The following SLC41A3 variants were observed in gnomAD, a reference collection of about 807,000 sequenced individuals.
SLC41A3 encodes solute carrier family 41 member 3, also known as SLC41A1-like 2.
Under a neutral mutation model 45.4 loss-of-function variants are expected in SLC41A3, and 44 were observed. The observed-to-expected ratio is 0.97, with a 90% CI of 0.76 to 1.25. SLC41A3 has a LOEUF of 1.25. Ranked by LOEUF, SLC41A3 falls within the 50% of genes most tolerant of loss-of-function variation. The probability of loss-of-function intolerance (pLI) is 0.00; values close to 1 mark genes in which losing one functional copy is unlikely to be tolerated. For missense variants in SLC41A3, 550 were observed against 600.6 expected (o/e 0.92, Z 0.88); for synonymous variants, 256 against 252.4 (o/e 1.01, Z -0.13).
chr3:126,096,734 G>A (rs889205453), intron 1 of SLC41A3, among the ~76,000 whole-genome samples: 16 of 152,232 alleles, frequency 1.1e-4, no homozygotes, highest in Admixed American at 2.6e-4. Context: ...CTGGCTTGCT[G>A]TTAATAAATA....
At chr3:126,039,174 A>T (rs1051538699) in intron 3 of SLC41A3, among the ~76,000 whole-genome samples, 2 of 152,214 alleles carry the variant, frequency 1.3e-5, no homozygotes, top group African/African-American at 4.8e-5. Flanking sequence ...ACCCAGTCTC[A>T]AGTATTCCTT....
intron 1 of SLC41A3, among the ~76,000 whole-genome samples, chr3:126,099,792 A>G (rs1395784677): frequency 1.3e-5 from 2 of 152,220 alleles, no homozygotes; most frequent in Non-Finnish European, 2.9e-5. Flanking sequence ...GGTTGCTCCA[A>G]AACTTTATAA....
intron 3 of SLC41A3, among the ~76,000 whole-genome samples, chr3:126,034,003 G>C (rs939101678): frequency 6.6e-6 from 1 of 152,014 alleles, no homozygotes; most frequent in East Asian, 1.9e-4. Context: ...ATGCATAGAG[G>C]CACACATGCA....
At chr3:126,095,368 G>A (rs181873486) in intron 1 of SLC41A3, 68 of 522,700 alleles carry the variant, frequency 1.3e-4, no homozygotes, top group East Asian at 9.6e-4. Context: ...ACCACCCACC[G>A]GAGGACAGAT....
intron 4 of SLC41A3, among the ~76,000 whole-genome samples, chr3:126,028,690 A>C (rs1941564248): frequency 6.6e-6 from 1 of 152,264 alleles, no homozygotes; most frequent in South Asian, 2.1e-4. Context: ...CTCCACCAGC[A>C]TCTTGCCACC....
chr3:126,084,211 C>G (rs1000883200), upstream of SLC41A3: 3 of 151,990 alleles, frequency 2.0e-5, no homozygotes, highest in African/African-American at 7.2e-5. Context: ...GCCGGGCGGC[C>G]GGACCTCGGA....
chr3:126,068,435 T>C (rs1328513702), intron 1 of SLC41A3, among the ~76,000 whole-genome samples, 189 bp from the exon 2 acceptor site: 2 of 152,154 alleles, frequency 1.3e-5, no homozygotes, highest in Non-Finnish European at 2.9e-5. Flanking sequence ...AATATGCACA[T>C]GTGTGAGCAC....
intron 6 of SLC41A3, among the ~76,000 whole-genome samples, chr3:126,019,297 G>C (rs796080549): frequency 2.0e-5 from 3 of 152,256 alleles, no homozygotes; most frequent in African/African-American, 7.2e-5. Context: ...GGATTAATCT[G>C]TTCATGAGGG....
chr3:126,038,900 G>A (rs1471554344), intron 3 of SLC41A3, among the ~76,000 whole-genome samples: 1 of 152,172 alleles, frequency 6.6e-6, no homozygotes, highest in Non-Finnish European at 1.5e-5. Flanking sequence ...GGTCATGGGG[G>A]TGGATCCTTC....
intron 6 of SLC41A3, among the ~76,000 whole-genome samples, chr3:126,021,958 G>A (rs935331673): frequency 1.2e-4 from 18 of 152,208 alleles, no homozygotes; most frequent in Admixed American, 1.1e-3. Context: ...GGTACATGAA[G>A]ATAATGGGGG....
Position 126,068,157 on chromosome 3 carries a change from C to A in SLC41A3, c.63G>T (p.Gly21=). The A allele has an allele frequency of 6.3e-7, 1 of 1,596,994 alleles. No homozygotes were observed. The highest frequency in any genetic ancestry group is 8.5e-7 in the Non-Finnish European group (1 of 1,171,958). ...CTCCTGTGCTGAGGGGGTGAGGAAG[C>A]CCCAGCTCCCCTGGCTTGCCACAGC... ...LDSCGKPGEL[G]LPHPLSTGGL... The change falls in exon 2 of 11, where the codon GGG becomes GGT. Residue 21 remains glycine, a synonymous_variant. Coordinates refer to ENST00000360370, the MANE Select transcript of SLC41A3 (RefSeq NM_017836.4).
At chr3:126,078,177 G>C (rs2108075638) in intron 1 of SLC41A3, among the ~76,000 whole-genome samples, 1 of 152,290 alleles carries the variant, frequency 6.6e-6, no homozygotes, top group African/African-American at 2.4e-5. Flanking sequence ...GCTAGGCAAG[G>C]CCACTGCTGC....
chr3:126,019,181 C>G (rs1024841213), intron 6 of SLC41A3, among the ~76,000 whole-genome samples: 2 of 152,194 alleles, frequency 1.3e-5, no homozygotes, highest in African/African-American at 4.8e-5. Flanking sequence ...GGCGAGGGAA[C>G]CGAGCATGTA....
Position 126,026,042 on chromosome 3 carries a change from G to A in SLC41A3, c.598+293C>T, listed in dbSNP as rs150454259. On this transcript the variant is annotated intron_variant, in intron 5 of 10. Transcript: ENST00000360370. The surrounding 1 kb of genome is among the most constrained non-coding windows in gnomAD (Gnocchi z 4.2). Reference sequence around the variant, plus strand: ...CTGTGCAGGTGTCAGGCCTCAGCACGGGAGTGTGACCAGCTGAAGAGACCT... The same window carrying A: ...CTGTGCAGGTGTCAGGCCTCAGCACAGGAGTGTGACCAGCTGAAGAGACCT... Among the ~76,000 whole-genome samples the A allele has an allele frequency of 1.1e-4, 17 of 152,342 alleles. No homozygotes were observed. Among genetic ancestry groups the A allele is most frequent in the South Asian group, 2.1e-4 (1 of 4,828 alleles).
chr3:126,073,618 C>G (rs909084907), intron 1 of SLC41A3, among the ~76,000 whole-genome samples: 1 of 151,958 alleles, frequency 6.6e-6, no homozygotes, highest in Non-Finnish European at 1.5e-5. Context: ...AATTAGAAAA[C>G]CTAGATGAAA....
intron 8 of SLC41A3, 31 bp downstream of exon 8, chr3:126,015,463 G>A (rs1940179249): frequency 6.2e-7 from 1 of 1,611,638 alleles, no homozygotes; most frequent in South Asian, 1.1e-5. Context: ...ACCCAACCCA[G>A]GGACCACATG....
intron 1 of SLC41A3, among the ~76,000 whole-genome samples, chr3:126,094,997 T>C (rs986870440): frequency 1.3e-5 from 2 of 152,244 alleles, no homozygotes; most frequent in African/African-American, 4.8e-5. Context: ...CAATTGAATC[T>C]AGCATTATTA....
chr3:126,022,295 C>T (rs1254919207), intron 6 of SLC41A3, among the ~76,000 whole-genome samples: 2 of 152,256 alleles, frequency 1.3e-5, no homozygotes, highest in Admixed American at 1.3e-4. Flanking sequence ...ACATCAGTAA[C>T]ACCCTACTTC....
upstream of SLC41A3, among the ~76,000 whole-genome samples, chr3:126,086,408 GTTTTT>G (rs57316346): frequency 9.4e-5 from 2 of 21,176 alleles, no homozygotes; most frequent in African/African-American, 2.7e-4. Flanking sequence ...TTGTTTTCTT[GTTTTT>G]TTTTTTTTTT....
Sources: gnomAD v4.1 joint callset for allele counts (sites outside exome capture counted in the v4.1 genomes callset) on GRCh38, gnomAD v4.1.1 for gene constraint, Gnocchi (gnomAD v3.1) non-coding constraint, MANE v1.5 for transcripts, NCBI Gene and HGNC (gene_info 2026-07-23, HGNC 2026-07-21) for gene names.